Variants in DAB2IP observed in about 807,000 individuals in gnomAD.
The protein encoded by DAB2IP is DAB2 interacting protein.
Under a neutral mutation model 107.2 loss-of-function variants are expected in DAB2IP, and 28 were observed. That is an observed-to-expected ratio of 0.26 (90% CI 0.19 to 0.36). The LOEUF is 0.36. Ranked by LOEUF, DAB2IP falls within the 10% of genes least tolerant of loss-of-function variation. The probability of loss-of-function intolerance (pLI) is 1.00; values close to 1 mark genes in which losing one functional copy is unlikely to be tolerated. For missense variants in DAB2IP, 1,400 were observed against 1,644.7 expected, an observed-to-expected ratio of 0.85 and a Z score of 2.57; for synonymous variants, 755 against 706.4, an observed-to-expected ratio of 1.07 and a Z score of -1.09.
chr9:121,712,181 T>G (rs1830368712), intron 3 of DAB2IP, among the ~76,000 whole-genome samples: 1 of 152,160 alleles, frequency 6.6e-6, no homozygotes, highest in Non-Finnish European at 1.5e-5. Context: ...CTGGCTCTGG[T>G]GTGTCCACAT....
intron 1 of DAB2IP, among the ~76,000 whole-genome samples, chr9:121,622,538 C>A (rs749546501): frequency 1.3e-5 from 2 of 152,126 alleles, no homozygotes; most frequent in Non-Finnish European, 2.9e-5. Context: ...TTGTCAGATA[C>A]GCTGGGCTCC....
At chr9:121,658,449 G>A (rs1564139103) in intron 1 of DAB2IP, among the ~76,000 whole-genome samples, 1 of 152,256 alleles carries the variant, frequency 6.6e-6, no homozygotes, top group Non-Finnish European at 1.5e-5. Flanking sequence ...ATGAGCAGCC[G>A]AGATGCCCAC....
At chr9:121,675,928 A>G (rs994586320) in intron 1 of DAB2IP, among the ~76,000 whole-genome samples, 1 of 152,168 alleles carries the variant, frequency 6.6e-6, no homozygotes, top group Non-Finnish European at 1.5e-5. Context: ...CTCCAGAAAG[A>G]GTGGTTATCC....
chr9:121,759,778 A>T, intron 5 of DAB2IP, 107 bp from the exon 6 acceptor site: 1 of 1,044,898 alleles, frequency 9.6e-7, no homozygotes, highest in Non-Finnish European at 1.4e-6. Context: ...TGCCGCCTCC[A>T]CCTTCAGAGC....
At chr9:121,718,421 C>G (rs1455868874) in intron 3 of DAB2IP, among the ~76,000 whole-genome samples, 1 of 152,188 alleles carries the variant, frequency 6.6e-6, no homozygotes, top group East Asian at 1.9e-4. Context: ...TGGTGCCATT[C>G]AAGATCTATC....
chr9:121,782,586 T>C lies in DAB2IP; in HGVS notation c.*88T>C. 6.4e-7 allele frequency: 1 copy of C among 1,555,450 alleles called. No individual in the cohort carries two copies. Among genetic ancestry groups the C allele is most frequent in the Non-Finnish European group, 8.7e-7 (1 of 1,147,508 alleles). On this transcript the variant is annotated 3_prime_UTR_variant, in exon 16 of 16. Coordinates refer to ENST00000408936, the Ensembl canonical transcript of DAB2IP. The surrounding 1 kb of genome is among the most constrained non-coding windows in gnomAD (Gnocchi z 6.1). ...CTCGGCCTGGGGAGGCACCCACGGT[T>C]GCAGCCCCAGCGCGGGTGTCAGGAG...
In DAB2IP at chr9:121,763,652, A is replaced by G; in HGVS notation, c.1315+3A>G. 6.2e-7 allele frequency: 1 copy of G among 1,612,836 alleles called. No homozygotes were observed. The highest frequency in any genetic ancestry group is 8.5e-7 in the Non-Finnish European group (1 of 1,179,426). ...GAAGTACCTGCAGGACGCCCTAGGTAGGGAGTGGGCCAGCAGCAGGGCAGA... is the reference window on the plus strand; with the variant it reads ...GAAGTACCTGCAGGACGCCCTAGGTGGGGAGTGGGCCAGCAGCAGGGCAGA... On this transcript the variant is annotated splice_donor_region_variant and intron_variant, in intron 7 of 15. Transcript: ENST00000408936.
chr9:121,619,071 G>A (rs1003064027), intron 1 of DAB2IP, among the ~76,000 whole-genome samples: 14 of 152,168 alleles, frequency 9.2e-5, no homozygotes, highest in East Asian at 5.8e-4. Context: ...TGTGGAGGCC[G>A]TGATGAAGGG....
intron 1 of DAB2IP, among the ~76,000 whole-genome samples, chr9:121,586,336 C>G (rs1830312559): frequency 6.6e-6 from 1 of 152,216 alleles, no homozygotes. Flanking sequence ...CTCATCGAAT[C>G]ACTTCTCTAT....
chr9:121,596,582 CTTAT>C (rs1830535680), intron 1 of DAB2IP, among the ~76,000 whole-genome samples: 1 of 150,808 alleles, frequency 6.6e-6, no homozygotes, highest in Non-Finnish European at 1.5e-5. Context: ...TCTCCCTCCC[CTTAT>C]TTGAGATTTG....
At position 121,572,210 on chromosome 9, in the gene DAB2IP, C is replaced by T. The variant is rs145721484; in HGVS notation, c.40+4982C>T. 3.9e-5 allele frequency among the ~76,000 whole-genome samples: 6 copies of T among 152,234 alleles called. No homozygotes were observed. In the East Asian group the frequency reaches 1.2e-3, roughly 29 times the overall value. ...TATTTCTCCACTTCGTGGGTACCGT[C>T]CTCCTACCAGGACAGCTCCTGGTGC... On this transcript the variant is annotated intron_variant, in intron 1 of 16. Transcript: ENST00000259371.
Position 121,651,705 on chromosome 9 carries a change from G to A in DAB2IP, c.-71G>A, listed in dbSNP as rs1256871083. ...GGGAGAACGCGTGGGCGCCCGCCGG[G>A]CTGTCCGGAGCGGCCGATGGGGCCC... On this transcript the variant is annotated 5_prime_UTR_variant, in exon 1 of 16. Coordinates refer to ENST00000408936, the Ensembl canonical transcript of DAB2IP. The surrounding 1 kb of genome is among the most constrained non-coding windows in gnomAD (Gnocchi z 5.1). The A allele has an allele frequency of 1.1e-5, 13 of 1,155,820 alleles. No individual in the cohort carries two copies. The highest frequency in any genetic ancestry group is 1.6e-5 in the African/African-American group (1 of 61,516). 71.6% of individuals were successfully genotyped at this position (1,155,820 alleles called of 1,614,324 possible). A position where few individuals can be genotyped will look rare whatever the true frequency, so the allele number is the denominator to read the frequency against.
intron 6 of DAB2IP, among the ~76,000 whole-genome samples, chr9:121,761,996 G>A (rs1274005296): frequency 1.3e-5 from 2 of 152,132 alleles, no homozygotes; most frequent in African/African-American, 2.4e-5. Flanking sequence ...CGTGGAGGGA[G>A]GTGAAGTCAG....
At position 121,699,263 on chromosome 9, in the gene DAB2IP, C is replaced by T; in HGVS notation, c.229-62C>T. The stretch of plus-strand genomic sequence containing the variant: ...CAAGGGTGCGGGTCCCGCGCGGGTC[C>T]CGGCCCGCCGCCGCCGCGCTAACCC... On this transcript the variant is annotated intron_variant, in intron 2 of 15. Transcript: ENST00000408936. This position sits in a 1 kb window ranked among gnomAD's most constrained non-coding sequence, Gnocchi z 6.2. The T allele has an allele frequency of 2.4e-6, 3 of 1,259,348 alleles. No homozygotes were observed. Among genetic ancestry groups the T allele is most frequent in the Non-Finnish European group, 3.0e-6 (3 of 984,076 alleles). 78.0% of individuals were successfully genotyped at this position (1,259,348 alleles called of 1,614,324 possible).
intron 1 of DAB2IP, among the ~76,000 whole-genome samples, chr9:121,622,382 G>A (rs954852810): frequency 1.3e-5 from 2 of 152,204 alleles, no homozygotes; most frequent in African/African-American, 4.8e-5. Flanking sequence ...GGGGGATCTT[G>A]CCTTCTAGGA....
At chr9:121,727,273 T>C (rs1831285188) in intron 3 of DAB2IP, among the ~76,000 whole-genome samples, 1 of 152,236 alleles carries the variant, frequency 6.6e-6, no homozygotes, top group Non-Finnish European at 1.5e-5. Context: ...TGAAGCTGCT[T>C]CCCAGCGTTG....
At chr9:121,573,632 C>T (rs1829999129) in intron 1 of DAB2IP, among the ~76,000 whole-genome samples, 1 of 152,100 alleles carries the variant, frequency 6.6e-6, no homozygotes, top group South Asian at 2.1e-4. Flanking sequence ...ATCTGCCCAC[C>T]TTGGCCTCCC....
chr9:121,579,683 G>C (rs1239404091), intron 1 of DAB2IP, among the ~76,000 whole-genome samples: 1 of 152,126 alleles, frequency 6.6e-6, no homozygotes, highest in Non-Finnish European at 1.5e-5. Flanking sequence ...TTATGGCCTT[G>C]TCCATCGATC....
intron 3 of DAB2IP, among the ~76,000 whole-genome samples, chr9:121,731,911 T>C (rs1831565629): frequency 6.6e-6 from 1 of 152,140 alleles, no homozygotes; most frequent in African/African-American, 2.4e-5. Context: ...GGACCTCGTG[T>C]AGACATGGTG....
Sources: gnomAD v4.1 joint callset for allele counts (sites outside exome capture counted in the v4.1 genomes callset) on GRCh38, gnomAD v4.1.1 for gene constraint, Gnocchi (gnomAD v3.1) non-coding constraint, MANE v1.5 for transcripts, NCBI Gene and HGNC (gene_info 2026-07-23, HGNC 2026-07-21) for gene names.